Variants in DOCK5 observed in about 807,000 individuals in gnomAD.
DOCK5 encodes the protein dedicator of cytokinesis protein 5.
A neutral mutation model predicts 251.8 loss-of-function variants in DOCK5; 142 were observed. The ratio of observed to expected loss-of-function variants is 0.56; its 90% CI spans 0.49 to 0.65. The LOEUF is 0.65. DOCK5 is among the 30% of genes least tolerant of loss of function. DOCK5 has a pLI of 0.00. For missense variants in DOCK5, 2,111 were observed against 2,312.3 expected, an observed-to-expected ratio of 0.91 and a Z score of 1.79; for synonymous variants, 842 against 835.5, an observed-to-expected ratio of 1.01 and a Z score of -0.13.
chr8:25,273,626 G>A (rs1803970494), intron 3 of DOCK5, among the ~76,000 whole-genome samples: 1 of 152,166 alleles, frequency 6.6e-6, no homozygotes, highest in African/African-American at 2.4e-5. Flanking sequence ...ATGAATGAAC[G>A]CATGAATGAA....
At chr8:25,313,618 A>T (rs1174867621) in intron 13 of DOCK5, among the ~76,000 whole-genome samples, 1 of 152,172 alleles carries the variant, frequency 6.6e-6, no homozygotes, top group African/African-American at 2.4e-5. Context: ...GGCGTCAACA[A>T]CGTTTATTTT....
Position 25,359,072 on chromosome 8 carries a change from T to C in DOCK5, c.2949+11T>C, listed in dbSNP as rs1800629964. ...AGACAAGACATCATCGTAAGTTGCC[T>C]TTACTGGTCCTGGTAACCTGAAGAC... is the stretch of plus-strand genomic sequence containing the variant. On this transcript the variant is annotated intron_variant, in intron 28 of 51. Transcript: ENST00000276440. 1 of 1,610,502 alleles carries C rather than the reference T, an allele frequency of 6.2e-7. No individual in the cohort carries two copies. The highest frequency in any genetic ancestry group is 1.1e-5 in the South Asian group (1 of 90,958).
chr8:25,356,341 G>T (rs17053431), intron 27 of DOCK5, among the ~76,000 whole-genome samples: 3,496 of 152,254 alleles, frequency 0.023, 124 homozygotes, highest in African/African-American at 0.079. Context: ...GGAAAATGAA[G>T]GTTTTTAGTA....
chr8:25,210,784 G>T lies in DOCK5; in HGVS notation c.43+25833G>T, dbSNP rs1300989643. Among the ~76,000 whole-genome samples the T allele has an allele frequency of 1.0e-4, 7 of 67,010 alleles. 3 individuals carry two copies. Among genetic ancestry groups the T allele is most frequent in the African/African-American group, 2.3e-4 (7 of 29,818 alleles). 44.0% of individuals were successfully genotyped at this position (67,010 alleles called of 152,430 possible). ...CTCCAAAACAAAAAAGAGGGACTGA[G>T]CCATGCAAATCTAAAGTAAGAACAT... On this transcript the variant is annotated intron_variant, in intron 1 of 51. Coordinates refer to ENST00000276440, the MANE Select transcript of DOCK5 (RefSeq NM_024940.8).
chr8:25,363,107 A>T lies in DOCK5; in HGVS notation c.3010A>T (p.Lys1004Ter). 6.2e-7 allele frequency: 1 copy of T among 1,614,060 alleles called. No individual in the cohort carries two copies. Among genetic ancestry groups the T allele is most frequent in the South Asian group, 1.1e-5 (1 of 91,088 alleles). ...CCTGATTGGAAAGAATGTCTATGCC[A>T]AAGATTGGATGGTGATGAATATGAC... ...KDLIGKNVYA[K>*]DWMVMNMTQN... is the part of the protein sequence containing the mutation. The change falls in exon 29 of 52, where the codon AAA (lysine) becomes TAA (stop). Residue 1004 changes from lysine to a stop codon, truncating the protein, a stop_gained. Coordinates refer to ENST00000276440, the MANE Select transcript of DOCK5 (RefSeq NM_024940.8). LOFTEE classifies it high-confidence loss of function.
intron 11 of DOCK5, 116 bp from the exon 12 acceptor site, chr8:25,308,667 G>A (rs935123542): frequency 9.7e-6 from 10 of 1,028,840 alleles, no homozygotes; most frequent in Non-Finnish European, 1.4e-5. Flanking sequence ...AAAGATAGGG[G>A]TACTTAGTGT....
intron 47 of DOCK5, among the ~76,000 whole-genome samples, chr8:25,402,729 C>T (rs1211065013): frequency 6.6e-6 from 1 of 152,144 alleles, no homozygotes; most frequent in Non-Finnish European, 1.5e-5. Flanking sequence ...CAGGTGTGAA[C>T]CAGCATGCCC....
At chr8:25,303,974 G>A (rs987679934) in intron 10 of DOCK5, among the ~76,000 whole-genome samples, 1 of 152,100 alleles carries the variant, frequency 6.6e-6, no homozygotes, top group Non-Finnish European at 1.5e-5. Flanking sequence ...TTAATAAAAA[G>A]CAAAAGAATT....
intron 15 of DOCK5, among the ~76,000 whole-genome samples, chr8:25,320,751 A>G (rs1389977585): frequency 6.6e-6 from 1 of 152,254 alleles, no homozygotes; most frequent in Non-Finnish European, 1.5e-5. Flanking sequence ...AGAAAATGCT[A>G]GAAATTCACA....
intron 16 of DOCK5, among the ~76,000 whole-genome samples, 168 bp downstream of exon 16, chr8:25,321,220 C>T (rs1399081259): frequency 2.6e-5 from 4 of 152,150 alleles, no homozygotes; most frequent in Non-Finnish European, 4.4e-5. Context: ...TTTTGCTGGG[C>T]GTGCAAGGTC....
At chr8:25,382,530 A>C (rs2117304333) in intron 39 of DOCK5, 144 bp from the exon 40 acceptor site, 1 of 661,614 alleles carries the variant, frequency 1.5e-6, no homozygotes, top group South Asian at 1.8e-5. Context: ...GAATAGGATA[A>C]CCCTTTTCTG....
In DOCK5 at chr8:25,341,793, G is replaced by A. The variant is rs1232817710; in HGVS notation, c.2494G>A (p.Asp832Asn). The change falls in exon 24 of 52, where the codon GAT (aspartate) becomes AAT (asparagine). Residue 832 changes from aspartate to asparagine, a missense_variant. Coordinates refer to ENST00000276440, the MANE Select transcript of DOCK5 (RefSeq NM_024940.8). ...SIINDVKLVFDPVELSVLFCK... is the reference protein window; with the variant it reads ...SIINDVKLVFNPVELSVLFCK... ...AATTAATGATGTCAAACTTGTATTT[G>A]ATCCTGTTGAGCTCAGGTAAATAGC... 6.4e-7 allele frequency: 1 copy of A among 1,570,822 alleles called. No homozygotes were observed. The highest frequency in any genetic ancestry group is 1.2e-5 in the South Asian group (1 of 85,532).
In DOCK5 at chr8:25,210,026, AT is replaced by A. The variant is rs1563309052; in HGVS notation, c.43+25076del. ...CGGCTAATTATATATATATATATAT[AT>A]ATATATAAATGTGTGTGTGTGTGTG... On this transcript the variant is annotated intron_variant, in intron 1 of 51. Transcript: ENST00000276440. Among the ~76,000 whole-genome samples the A allele has an allele frequency of 7.8e-5, 2 of 25,640 alleles. 1 individual carries two copies. The highest frequency in any genetic ancestry group is 1.8e-4 in the African/African-American group (2 of 11,002). 16.8% of individuals were successfully genotyped at this position (25,640 alleles called of 152,430 possible).
intron 26 of DOCK5, among the ~76,000 whole-genome samples, chr8:25,348,505 G>A (rs939741241): frequency 2.0e-5 from 3 of 152,154 alleles, no homozygotes; most frequent in African/African-American, 7.2e-5. Context: ...CTACCCCCAG[G>A]AGCCCACCTT....
chr8:25,358,710 G>C (rs1432619581), intron 27 of DOCK5, among the ~76,000 whole-genome samples: 1 of 152,200 alleles, frequency 6.6e-6, no homozygotes, highest in African/African-American at 2.4e-5. Flanking sequence ...TCATTGAGGT[G>C]TCCTGTCTAT....
chr8:25,283,929 G>C (rs1231060372), intron 5 of DOCK5, among the ~76,000 whole-genome samples: 1 of 152,166 alleles, frequency 6.6e-6, no homozygotes, highest in African/African-American at 2.4e-5. Context: ...TTCAGGAAAG[G>C]AGGGAACATT....
rs1318336199 is a variant in DOCK5 at position 25,376,395 on chromosome 8, TG to T, written c.3817-904del. 3.1e-6 allele frequency: 3 copies of T among 983,550 alleles called. No individual in the cohort carries two copies. In the East Asian group the frequency reaches 3.4e-4, roughly 112 times the overall value. The allele number at this position is 983,550 out of a possible 1,614,324, so 60.9% of individuals were successfully genotyped here. Reference sequence around the variant, plus strand: ...CATCTTTATTACTAAATTCTTATTTTGGGGGGAGGGAATCTCTTTCTAGATT... The same window carrying T: ...CATCTTTATTACTAAATTCTTATTTTGGGGGAGGGAATCTCTTTCTAGATT... On this transcript the variant is annotated intron_variant, in intron 37 of 51. Coordinates refer to ENST00000276440, the MANE Select transcript of DOCK5 (RefSeq NM_024940.8).
chr8:25,220,767 G>T (rs773332317), intron 1 of DOCK5, among the ~76,000 whole-genome samples: 100 of 152,238 alleles, frequency 6.6e-4, no homozygotes, highest in Non-Finnish European at 1.3e-3. Flanking sequence ...ATCATGCCTG[G>T]CTAATTTTTG....
intron 1 of DOCK5, among the ~76,000 whole-genome samples, chr8:25,198,299 G>A (rs1801785085): frequency 6.6e-6 from 1 of 152,092 alleles, no homozygotes; most frequent in Non-Finnish European, 1.5e-5. Context: ...GACCAGACAC[G>A]GTGTCTCATA....
Sources: gnomAD v4.1 joint callset for allele counts (sites outside exome capture counted in the v4.1 genomes callset) on GRCh38, gnomAD v4.1.1 for gene constraint, MANE v1.5 for transcripts, NCBI Gene and HGNC (gene_info 2026-07-23, HGNC 2026-07-21) for gene names.